The following RERE variants were observed in gnomAD, a reference collection of about 807,000 sequenced individuals.
The protein encoded by RERE is arginine-glutamic acid dipeptide repeats protein.
In RERE, 40 loss-of-function variants were observed where a neutral mutation model predicts 146.1. The observed-to-expected ratio is 0.27, with a 90% CI of 0.21 to 0.36. RERE has a LOEUF of 0.36. RERE is among the 10% of genes least tolerant of loss of function. The probability of loss-of-function intolerance (pLI) is 1.00; values close to 1 mark genes in which losing one functional copy is unlikely to be tolerated. For synonymous variants in RERE, 1,003 were observed against 866.0 expected (o/e 1.16, Z -2.78); for missense variants, 1,933 against 2,138.7 (o/e 0.90, Z 1.90).
Position 8,364,200 on chromosome 1 carries a change from A to G in RERE, c.1596T>C (p.Cys532=), listed in dbSNP as rs755135297. ...CACCGTATTTCTTGAAGTGGATGCG[A>G]CAGTCGGTGCAAAGCAGGATGTTCT... ...GRENILLCTD[C]RIHFKKYGEL... is the part of the protein sequence containing the mutation. The change falls in exon 15 of 23, where the codon TGT becomes TGC. Residue 532 remains cysteine, a synonymous_variant. Transcript: ENST00000400908. This position sits in a 1 kb window ranked among gnomAD's most constrained non-coding sequence, Gnocchi z 5.1. 1 of 1,614,142 alleles carries G rather than the reference A, an allele frequency of 6.2e-7. No individual in the cohort carries two copies. Among genetic ancestry groups the G allele is most frequent in the South Asian group, 1.1e-5 (1 of 91,070 alleles).
rs1553123533 is a variant in RERE at position 8,625,145 on chromosome 1, T to TTTG, written c.326-766_326-765insCAA. On this transcript the variant is annotated intron_variant, in intron 2 of 22. Coordinates refer to ENST00000400908, the MANE Select transcript of RERE (RefSeq NM_001042681.2). ...TTGCTTTTGTTTGTTTGTTTGTTTGTTTTGTTTTGTTTTGTTTTGGCTGGT... is the reference window on the plus strand; with the variant it reads ...TTGCTTTTGTTTGTTTGTTTGTTTGTTTGTTTGTTTTGTTTTGTTTTGGCTGGT... 6.2e-3 allele frequency among the ~76,000 whole-genome samples: 940 copies of TTTG among 150,588 alleles called. 7 individuals carry two copies. Among genetic ancestry groups the TTTG allele is most frequent in the African/African-American group, 0.022 (900 of 40,102 alleles).
chr1:8,412,064 G>A (rs1643631433), intron 12 of RERE, among the ~76,000 whole-genome samples: 1 of 152,206 alleles, frequency 6.6e-6, no homozygotes, highest in African/African-American at 2.4e-5. Flanking sequence ...TAGAAGCCCT[G>A]TGCCTAAGTC....
intron 2 of RERE, among the ~76,000 whole-genome samples, chr1:8,642,862 A>G (rs546755937): frequency 6.6e-6 from 1 of 152,302 alleles, no homozygotes; most frequent in East Asian, 1.9e-4. Context: ...CTCAACTGCT[A>G]AAGGAAGAAC....
chr1:8,659,374 T>C (rs897586735), intron 1 of RERE, among the ~76,000 whole-genome samples: 1 of 152,232 alleles, frequency 6.6e-6, no homozygotes, highest in Non-Finnish European at 1.5e-5. Flanking sequence ...CTGGCCAAGA[T>C]GGCGAAACCC....
chr1:8,658,967 T>C (rs1050053846), intron 1 of RERE, among the ~76,000 whole-genome samples: 3 of 152,222 alleles, frequency 2.0e-5, no homozygotes, highest in African/African-American at 7.2e-5. Context: ...GGAGCAATCA[T>C]GCATCATAAG....
intron 1 of RERE, among the ~76,000 whole-genome samples, chr1:8,690,031 A>T (rs1253463468): frequency 1.3e-5 from 2 of 152,248 alleles, no homozygotes; most frequent in African/African-American, 4.8e-5. Context: ...CAGTCTCTGT[A>T]GTAACATACT....
intron 1 of RERE, among the ~76,000 whole-genome samples, chr1:8,735,700 A>G (rs1220898883): frequency 6.6e-6 from 1 of 152,076 alleles, no homozygotes; most frequent in Non-Finnish European, 1.5e-5. Context: ...ATGGTTTAGC[A>G]CCATCCCCTC....
At chr1:8,517,226 C>A (rs1645432223) in intron 7 of RERE, among the ~76,000 whole-genome samples, 1 of 152,040 alleles carries the variant, frequency 6.6e-6, no homozygotes, top group Admixed American at 6.5e-5. Context: ...ATACTACAGG[C>A]AGATGGGAAA....
chr1:8,722,150 C>G lies in RERE; in HGVS notation c.-144-65709G>C, dbSNP rs147080326. 7.6e-3 allele frequency among the ~76,000 whole-genome samples: 1,152 copies of G among 152,278 alleles called. 9 individuals carry two copies. The highest frequency in any genetic ancestry group is 0.012 in the Non-Finnish European group (785 of 68,030). ...CCCAATTCTAGAACCACAAATAAAG[C>G]CAACTGAAATCTTTAAACGATATTT... On this transcript the variant is annotated intron_variant, in intron 1 of 22. Coordinates refer to ENST00000400908, the MANE Select transcript of RERE (RefSeq NM_001042681.2).
At chr1:8,769,478 A>C (rs886440281) in intron 1 of RERE, among the ~76,000 whole-genome samples, 1 of 152,094 alleles carries the variant, frequency 6.6e-6, no homozygotes, top group Non-Finnish European at 1.5e-5. Context: ...GATGTAAAAC[A>C]CATCATTTTG....
intron 12 of RERE, among the ~76,000 whole-genome samples, chr1:8,382,963 G>C (rs1156432561): frequency 6.7e-6 from 1 of 149,250 alleles, no homozygotes; most frequent in South Asian, 2.1e-4. Context: ...AAAAGGACCA[G>C]AAACTCAGAA....
chr1:8,670,068 A>G (rs1349453906), intron 1 of RERE, among the ~76,000 whole-genome samples: 1 of 152,190 alleles, frequency 6.6e-6, no homozygotes, highest in Non-Finnish European at 1.5e-5. Context: ...TAAAAACACA[A>G]GTCTCAGTCA....
In RERE at chr1:8,356,230, A is replaced by T; in HGVS notation, c.4356T>A (p.Val1452=). The change falls in exon 21 of 23, where the codon GTT becomes GTA. Residue 1452 remains valine (V), a synonymous_variant. Transcript: ENST00000400908. The surrounding 1 kb of genome is among the most constrained non-coding windows in gnomAD (Gnocchi z 5.2). ...CAGTCAGGGGGTCGACCAGCGGGTGAACGGGGCCTGCTGAACCTAAGGAAA... is the reference window on the plus strand; with the variant it reads ...CAGTCAGGGGGTCGACCAGCGGGTGTACGGGGCCTGCTGAACCTAAGGAAA... ...DPLHQGSAGP[V]HPLVDPLTAG... is the part of the protein sequence containing the mutation. 6.6e-7 allele frequency: 1 copy of T among 1,524,958 alleles called. No individual in the cohort carries two copies. Among genetic ancestry groups the T allele is most frequent in the Middle Eastern group, 1.7e-4 (1 of 5,796 alleles). 94.5% of individuals were successfully genotyped at this position (1,524,958 alleles called of 1,614,324 possible). A position where few individuals can be genotyped will look rare whatever the true frequency, so the allele number is the denominator to read the frequency against.
At chr1:8,712,445 A>G (rs1639687175) in intron 1 of RERE, among the ~76,000 whole-genome samples, 1 of 152,236 alleles carries the variant, frequency 6.6e-6, no homozygotes, top group African/African-American at 2.4e-5. Context: ...AGCTGACTCT[A>G]CAGTGAAGAA....
At chr1:8,517,532 A>T (rs531775894) in intron 7 of RERE, among the ~76,000 whole-genome samples, 2 of 152,234 alleles carry the variant, frequency 1.3e-5, no homozygotes, top group Non-Finnish European at 2.9e-5. Context: ...CTGTGTAGCT[A>T]ATGTAAATAA....
chr1:8,779,430 G>C (rs765733520), intron 1 of RERE, among the ~76,000 whole-genome samples: 4 of 151,916 alleles, frequency 2.6e-5, no homozygotes, highest in Non-Finnish European at 4.4e-5. Flanking sequence ...TGGGAGGCAA[G>C]GTGGGTGGAT....
At position 8,738,335 on chromosome 1, in the gene RERE, T is replaced by A. The variant is rs565953406; in HGVS notation, c.-145+78825A>T. On this transcript the variant is annotated intron_variant, in intron 1 of 22. Transcript: ENST00000400908. The stretch of plus-strand genomic sequence containing the variant: ...TCTCGCTCTGTCACTCAGGCTGGAG[T>A]GCAGTGGTGTGAACTTGGCTCACTG... 2.6e-3 allele frequency among the ~76,000 whole-genome samples: 396 copies of A among 152,168 alleles called. 2 individuals carry two copies. The highest frequency in any genetic ancestry group is 9.1e-3 in the African/African-American group (376 of 41,496).
chr1:8,428,743 C>T (rs775411102), intron 11 of RERE, among the ~76,000 whole-genome samples: 29 of 152,270 alleles, frequency 1.9e-4, no homozygotes, highest in Non-Finnish European at 3.4e-4. Flanking sequence ...GAAATTCTGA[C>T]ATGGCTGTTT....
chr1:8,692,908 C>T (rs1053237758), intron 1 of RERE, among the ~76,000 whole-genome samples: 8 of 152,096 alleles, frequency 5.3e-5, no homozygotes, highest in Admixed American at 2.0e-4. Context: ...TTATGCTTTC[C>T]GCTTACAAGA....
Sources: allele counts gnomAD v4.1 joint callset (sites outside exome capture counted in the v4.1 genomes callset), GRCh38; gene constraint gnomAD v4.1.1; non-coding constraint Gnocchi (gnomAD v3.1); transcripts MANE v1.5; gene names NCBI Gene and HGNC (gene_info 2026-07-23, HGNC 2026-07-21).